Variants in FBXL20 observed in about 807,000 individuals in gnomAD.
The protein encoded by FBXL20 is F-box and leucine rich repeat protein 20, also known as F-box/LRR-repeat protein 20.
In FBXL20, 11 loss-of-function variants were observed where a neutral mutation model predicts 64.0. That is an observed-to-expected ratio of 0.17 (90% CI 0.11 to 0.28). FBXL20 has a LOEUF of 0.28. FBXL20 is among the 10% of genes least tolerant of loss of function. The pLI is 1.00. For missense variants in FBXL20, 303 were observed against 526.2 expected, an observed-to-expected ratio of 0.58 and a Z score of 4.15; for synonymous variants, 184 against 189.0, an observed-to-expected ratio of 0.97 and a Z score of 0.22.
chr17:39,390,956 G>A (rs2048127990), intron 1 of FBXL20, among the ~76,000 whole-genome samples: 1 of 152,012 alleles, frequency 6.6e-6, no homozygotes, highest in Non-Finnish European at 1.5e-5. Flanking sequence ...CTGAGGCAGA[G>A]AACTGCTTGA....
intron 2 of FBXL20, among the ~76,000 whole-genome samples, chr17:39,308,013 T>C (rs2047198397): frequency 6.7e-6 from 1 of 150,126 alleles, no homozygotes; most frequent in Non-Finnish European, 1.5e-5. Flanking sequence ...GTGGACATAG[T>C]AAATGATTTC....
intron 2 of FBXL20, among the ~76,000 whole-genome samples, chr17:39,334,506 A>T (rs987591044): frequency 1.4e-5 from 2 of 140,448 alleles, no homozygotes; most frequent in African/African-American, 5.7e-5. Context: ...TTCGAAAAAA[A>T]AATTCAGCTA....
At chr17:39,280,096 G>T (rs185618106) in intron 9 of FBXL20, among the ~76,000 whole-genome samples, 1 of 152,136 alleles carries the variant, frequency 6.6e-6, no homozygotes, top group African/African-American at 2.4e-5. Context: ...TCAGCCAGGT[G>T]TGGTGACGGG....
chr17:39,398,606 G>A (rs978558947), intron 1 of FBXL20, among the ~76,000 whole-genome samples: 3 of 151,840 alleles, frequency 2.0e-5, no homozygotes, highest in Admixed American at 2.0e-4. Flanking sequence ...TCTTTATTCA[G>A]TAGTCATCTA....
chr17:39,332,732 G>A (rs2047474327), intron 2 of FBXL20, among the ~76,000 whole-genome samples: 1 of 151,456 alleles, frequency 6.6e-6, no homozygotes, highest in Admixed American at 6.6e-5. Context: ...TAGTACAGAT[G>A]GGGTTTCACC....
chr17:39,397,021 C>T (rs2048190950), intron 1 of FBXL20, among the ~76,000 whole-genome samples: 1 of 151,282 alleles, frequency 6.6e-6, no homozygotes, highest in Non-Finnish European at 1.5e-5. Flanking sequence ...TTTTGCCATG[C>T]TGCATTTTAA....
Position 39,255,761 on chromosome 17 carries a change from G to T in FBXL20, c.*5699C>A, listed in dbSNP as rs969728351. On this transcript the variant is annotated 3_prime_UTR_variant, in exon 15 of 15. Coordinates refer to ENST00000264658, the MANE Select transcript of FBXL20 (RefSeq NM_032875.3). ...GGAGGCTAAGGGAGGAGAATCGCTT[G>T]AACCCAAGAGGCGGAGGTTGCGGTG... The T allele has an allele frequency of 6.6e-6, 1 of 151,178 alleles. No individual in the cohort carries two copies. The highest frequency in any genetic ancestry group is 2.4e-5 in the African/African-American group (1 of 41,158). The allele number at this position is 151,178 out of a possible 1,614,324, so 9.4% of individuals were successfully genotyped here.
intron 1 of FBXL20, among the ~76,000 whole-genome samples, chr17:39,354,773 A>C (rs2144598479): frequency 6.6e-6 from 1 of 152,366 alleles, no homozygotes; most frequent in African/African-American, 2.4e-5. Context: ...TTAGCAAATA[A>C]GATATGAATG....
chr17:39,326,509 T>TA (rs2047409929), intron 2 of FBXL20, among the ~76,000 whole-genome samples: 1 of 151,892 alleles, frequency 6.6e-6, no homozygotes, highest in Non-Finnish European at 1.5e-5. Context: ...TGATCCTAGC[T>TA]ACTAGGAGGG....
chr17:39,287,625 G>A (rs561261621), intron 6 of FBXL20, among the ~76,000 whole-genome samples: 4 of 152,058 alleles, frequency 2.6e-5, no homozygotes, highest in African/African-American at 4.8e-5. Context: ...AGCTAGTCTC[G>A]AACTTTTGGC....
At chr17:39,311,445 T>C (rs2047234770) in intron 2 of FBXL20, among the ~76,000 whole-genome samples, 4 of 152,128 alleles carry the variant, frequency 2.6e-5, no homozygotes, top group Admixed American at 2.6e-4. Context: ...CTTTTCAGTT[T>C]CTAAGTGGCA....
chr17:39,327,838 C>T (rs1034735556), intron 2 of FBXL20, among the ~76,000 whole-genome samples: 1 of 152,070 alleles, frequency 6.6e-6, no homozygotes, highest in Non-Finnish European at 1.5e-5. Flanking sequence ...GTAGCTGGGA[C>T]TATAGGCGCC....
intron 6 of FBXL20, among the ~76,000 whole-genome samples, chr17:39,288,994 T>A (rs1567865258): frequency 6.6e-6 from 1 of 152,158 alleles, no homozygotes; most frequent in Non-Finnish European, 1.5e-5. Flanking sequence ...TGAGCCACCG[T>A]GCCTGGCAGA....
At chr17:39,298,519 G>A (rs1285956474) in intron 5 of FBXL20, among the ~76,000 whole-genome samples, 1 of 152,066 alleles carries the variant, frequency 6.6e-6, no homozygotes, top group Non-Finnish European at 1.5e-5. Flanking sequence ...AAGAGTTCGA[G>A]ACCAGCCTGG....
chr17:39,401,469 A>ACAGGCC lies in FBXL20; in HGVS notation c.-73_-68dup. The ACAGGCC allele has an allele frequency of 6.5e-7, 1 of 1,540,718 alleles. No homozygotes were observed. The highest frequency in any genetic ancestry group is 1.4e-5 in the African/African-American group (1 of 72,054). On this transcript the variant is annotated 5_prime_UTR_variant, in exon 1 of 15. Coordinates refer to ENST00000264658, the MANE Select transcript of FBXL20 (RefSeq NM_032875.3). ...GGAGTGCACAGACCGGGGGCCCAGG[A>ACAGGCC]CAGGCCCGGGAGTTCCGGGACGGGG...
At chr17:39,297,071 G>GT in intron 6 of FBXL20, 56 bp downstream of exon 6, 1 of 1,245,268 alleles carries the variant, frequency 8.0e-7, no homozygotes, top group Non-Finnish European at 1.1e-6. Flanking sequence ...ATTTAAGGTT[G>GT]TATCAGCCAG....
intron 11 of FBXL20, among the ~76,000 whole-genome samples, chr17:39,269,152 A>T (rs1567857082): frequency 1.3e-5 from 2 of 151,922 alleles, no homozygotes; most frequent in Non-Finnish European, 2.9e-5. Context: ...CTGGGACTAT[A>T]GGAATGTGCC....
At chr17:39,383,935 T>C (rs2048051773) in intron 1 of FBXL20, among the ~76,000 whole-genome samples, 1 of 151,974 alleles carries the variant, frequency 6.6e-6, no homozygotes, top group African/African-American at 2.4e-5. Context: ...ATGTAAATTT[T>C]ATACATAAAA....
intron 2 of FBXL20, among the ~76,000 whole-genome samples, chr17:39,331,160 C>T (rs186256417): frequency 2.2e-4 from 34 of 152,302 alleles, no homozygotes; most frequent in Admixed American, 1.3e-3. Context: ...GGCTAGAGTA[C>T]AGTGGCATGA....
Sources: gnomAD v4.1 joint callset for allele counts (sites outside exome capture counted in the v4.1 genomes callset) on GRCh38, gnomAD v4.1.1 for gene constraint, MANE v1.5 for transcripts, NCBI Gene and HGNC (gene_info 2026-07-23, HGNC 2026-07-21) for gene names.